L3MBTL4: variants seen among roughly 807,000 people sequenced by gnomAD.
The protein encoded by L3MBTL4 is L3MBTL histone methyl-lysine binding protein 4.
A neutral mutation model predicts 84.5 loss-of-function variants in L3MBTL4; 70 were observed. The ratio of observed to expected loss-of-function variants is 0.83; its 90% CI spans 0.68 to 1.01. The LOEUF is 1.01. Among genes scored for constraint, L3MBTL4 ranks in the 50% least tolerant of loss-of-function variants. The pLI, the probability that L3MBTL4 is intolerant of heterozygous loss-of-function variation, is 0.00. For synonymous variants in L3MBTL4, 274 were observed against 259.8 expected (o/e 1.05, Z -0.52); for missense variants, 715 against 754.8 (o/e 0.95, Z 0.62).
intron 14 of L3MBTL4, among the ~76,000 whole-genome samples, chr18:6,096,521 C>A (rs1457646675): frequency 6.6e-6 from 1 of 152,154 alleles, no homozygotes; most frequent in Non-Finnish European, 1.5e-5. Flanking sequence ...AGAGAAATAG[C>A]TACATTAAGG....
chr18:6,099,272 ATCTTTTAT>A (rs200385466), intron 14 of L3MBTL4, among the ~76,000 whole-genome samples: 1,779 of 152,234 alleles, frequency 0.012, 35 homozygotes, highest in African/African-American at 0.037. Context: ...TTAAGTGAAT[ATCTTTTAT>A]TCTTAGAAAA....
intron 13 of L3MBTL4, among the ~76,000 whole-genome samples, chr18:6,163,006 G>T (rs911916218): frequency 1.3e-5 from 2 of 152,090 alleles, no homozygotes; most frequent in African/African-American, 4.8e-5. Flanking sequence ...TGCCAAAGAA[G>T]AGTTTTAATA....
chr18:6,072,907 T>A lies in L3MBTL4; in HGVS notation c.1444+7974A>T, dbSNP rs867994137. 7.9e-3 allele frequency among the ~76,000 whole-genome samples: 603 copies of A among 75,972 alleles called. 57 individuals carry two copies. Among genetic ancestry groups the A allele is most frequent in the African/African-American group, 0.027 (439 of 16,158 alleles). 49.8% of individuals were successfully genotyped at this position (75,972 alleles called of 152,430 possible). A position where few individuals can be genotyped will look rare whatever the true frequency, so the allele number is the denominator to read the frequency against. On this transcript the variant is annotated intron_variant, in intron 16 of 18. Transcript: ENST00000317931. ...ATATATATATATATATATATATATA[T>A]ATATATATATATATATATACACACA...
chr18:6,097,697 C>T (rs1392557027), intron 14 of L3MBTL4, among the ~76,000 whole-genome samples: 8 of 152,198 alleles, frequency 5.3e-5, no homozygotes, highest in Admixed American at 2.0e-4. Flanking sequence ...ATGCCATGCT[C>T]AGAAGCCCTA....
At chr18:6,271,723 C>T (rs904187844) in intron 4 of L3MBTL4, among the ~76,000 whole-genome samples, 17 of 152,238 alleles carry the variant, frequency 1.1e-4, no homozygotes, top group Admixed American at 7.8e-4. Flanking sequence ...CGCTTCCTCG[C>T]ACCTGAGTGA....
At chr18:6,088,911 C>G (rs147174103) in intron 15 of L3MBTL4, among the ~76,000 whole-genome samples, 1,554 of 152,064 alleles carry the variant, frequency 0.01, 26 homozygotes, top group African/African-American at 0.029. Context: ...TCAAAAAGTG[C>G]GTGAAATTTA....
At chr18:5,961,231 C>G (rs970809796) in intron 17 of L3MBTL4, among the ~76,000 whole-genome samples, 51 of 152,214 alleles carry the variant, frequency 3.4e-4, no homozygotes, top group African/African-American at 1.2e-3. Flanking sequence ...GTCCCACCCT[C>G]AGAGAGCTCT....
At chr18:6,353,859 A>C (rs952690668) in intron 1 of L3MBTL4, among the ~76,000 whole-genome samples, 49 of 152,142 alleles carry the variant, frequency 3.2e-4, no homozygotes, top group African/African-American at 1.2e-3. Context: ...ATACTACCCA[A>C]AGCAATCTAC....
chr18:6,247,466 ATTTTTTTTTTTT>A lies in L3MBTL4; in HGVS notation c.220-2890_220-2879del, dbSNP rs71163266. 1.8e-4 allele frequency among the ~76,000 whole-genome samples: 9 copies of A among 49,644 alleles called. 1 individual carries two copies. Among genetic ancestry groups the A allele is most frequent in the African/African-American group, 7.2e-4 (7 of 9,678 alleles). 32.6% of individuals were successfully genotyped at this position (49,644 alleles called of 152,430 possible). ...AGAATGCAGACTTCCCCCTCCTCTGATTTTTTTTTTTTTTTTTTTTTTTTTTTTTTTAGATGG... is the reference window on the plus strand; with the variant it reads ...AGAATGCAGACTTCCCCCTCCTCTGATTTTTTTTTTTTTTTTTTTAGATGG... On this transcript the variant is annotated intron_variant, in intron 5 of 18. Coordinates refer to ENST00000317931, the MANE Select transcript of L3MBTL4 (RefSeq NM_001330559.2).
chr18:6,300,753 A>G (rs1037155343), intron 4 of L3MBTL4, among the ~76,000 whole-genome samples: 2 of 152,240 alleles, frequency 1.3e-5, no homozygotes, highest in Admixed American at 1.3e-4. Flanking sequence ...AGATACAACA[A>G]CATCATAAAT....
Position 6,017,345 on chromosome 18 carries a change from C to T in L3MBTL4, c.1445-47783G>A, listed in dbSNP as rs527486681. Reference sequence around the variant, plus strand: ...GTGAGAGATGCTGGCGCGCCACAGCCGCCCCAAATCTAGAAGAAAACAGTC... The same window carrying T: ...GTGAGAGATGCTGGCGCGCCACAGCTGCCCCAAATCTAGAAGAAAACAGTC... On this transcript the variant is annotated intron_variant, in intron 16 of 18. Coordinates refer to ENST00000317931, the MANE Select transcript of L3MBTL4 (RefSeq NM_001330559.2). Among the ~76,000 whole-genome samples the T allele has an allele frequency of 3.6e-3, 551 of 152,298 alleles. 4 individuals are homozygous for T. Among genetic ancestry groups the T allele is most frequent in the African/African-American group, 0.012 (518 of 41,562 alleles).
chr18:6,198,238 T>C (rs1599114105), intron 12 of L3MBTL4, among the ~76,000 whole-genome samples: 1 of 152,200 alleles, frequency 6.6e-6, no homozygotes, highest in African/African-American at 2.4e-5. Flanking sequence ...AACCACTCAC[T>C]CTCAACAGTA....
At chr18:6,284,662 T>C (rs562104871) in intron 4 of L3MBTL4, among the ~76,000 whole-genome samples, 1 of 151,250 alleles carries the variant, frequency 6.6e-6, no homozygotes, top group South Asian at 2.2e-4. Flanking sequence ...TGTGCCCTTC[T>C]TCAGGGCAGT....
At chr18:6,356,934 A>C (rs1241403581) in intron 1 of L3MBTL4, 1 of 152,242 alleles carries the variant, frequency 6.6e-6, no homozygotes, top group Non-Finnish European at 1.5e-5. Context: ...CAAACACATG[A>C]GTAATGCAAT....
At chr18:6,250,739 C>T (rs1444856745) in intron 5 of L3MBTL4, among the ~76,000 whole-genome samples, 1 of 152,122 alleles carries the variant, frequency 6.6e-6, no homozygotes, top group Non-Finnish European at 1.5e-5. Flanking sequence ...GATTTCTAAA[C>T]CTTCACACGA....
chr18:6,064,294 T>A (rs1457883896), intron 16 of L3MBTL4, among the ~76,000 whole-genome samples: 1 of 152,158 alleles, frequency 6.6e-6, no homozygotes, highest in Admixed American at 6.5e-5. Flanking sequence ...GGTAATGTGA[T>A]GCCTCCATAT....
chr18:6,377,340 T>C (rs2054409090), intron 1 of L3MBTL4, among the ~76,000 whole-genome samples: 1 of 152,216 alleles, frequency 6.6e-6, no homozygotes, highest in Non-Finnish European at 1.5e-5. Flanking sequence ...ATTTGTATTA[T>C]ACTTTAAGTT....
intron 18 of L3MBTL4, among the ~76,000 whole-genome samples, chr18:5,956,946 G>C (rs1008892202): frequency 1.3e-5 from 2 of 151,980 alleles, no homozygotes; most frequent in African/African-American, 4.8e-5. Context: ...ACAGAACATG[G>C]TATATGATAG....
chr18:6,317,918 T>C (rs1421469937), intron 1 of L3MBTL4, among the ~76,000 whole-genome samples: 1 of 152,164 alleles, frequency 6.6e-6, no homozygotes, highest in Non-Finnish European at 1.5e-5. Flanking sequence ...AGCAGAAATC[T>C]TAAAAGCCAG....
Sources: gnomAD v4.1 joint callset for allele counts (sites outside exome capture counted in the v4.1 genomes callset) on GRCh38, gnomAD v4.1.1 for gene constraint, MANE v1.5 for transcripts, NCBI Gene and HGNC (gene_info 2026-07-23, HGNC 2026-07-21) for gene names.